PARD3B: variants seen among roughly 807,000 people sequenced by gnomAD.
PARD3B encodes partitioning defective 3 homolog B.
PARD3B carries 103 observed loss-of-function variants against 130.2 expected under a neutral mutation model. The ratio of observed to expected loss-of-function variants is 0.79; its 90% CI spans 0.67 to 0.93. The LOEUF is 0.93. Ranked by LOEUF, PARD3B falls within the 40% of genes least tolerant of loss-of-function variation. The probability of loss-of-function intolerance (pLI) is 0.00; values close to 1 mark genes in which losing one functional copy is unlikely to be tolerated. For synonymous variants in PARD3B, 583 were observed against 553.2 expected (o/e 1.05, Z -0.76); for missense variants, 1,609 against 1,499.2 (o/e 1.07, Z -1.21).
chr2:205,030,720 G>A (rs999243394), intron 3 of PARD3B, among the ~76,000 whole-genome samples: 3 of 152,084 alleles, frequency 2.0e-5, no homozygotes, highest in Admixed American at 6.6e-5. Flanking sequence ...TATGAAATCT[G>A]TATTCTGAAC....
chr2:204,631,596 C>T (rs968292519), intron 1 of PARD3B, among the ~76,000 whole-genome samples: 10 of 152,266 alleles, frequency 6.6e-5, no homozygotes, highest in East Asian at 1.9e-4. Context: ...TTAATTGAGG[C>T]GTTTAGCCCA....
intron 21 of PARD3B, among the ~76,000 whole-genome samples, chr2:205,504,936 C>A (rs1054222533): frequency 6.6e-6 from 1 of 152,138 alleles, no homozygotes; most frequent in African/African-American, 2.4e-5. Flanking sequence ...AAGACACATG[C>A]ACGCGTATGT....
intron 21 of PARD3B, among the ~76,000 whole-genome samples, chr2:205,504,802 C>G (rs1256493706): frequency 6.6e-6 from 1 of 152,152 alleles, no homozygotes; most frequent in African/African-American, 2.4e-5. Context: ...GGACTGTAAA[C>G]CAGTTCAAGC....
chr2:205,230,042 G>T lies in PARD3B; in HGVS notation c.2141-15736G>T, dbSNP rs1266210125. ...GGCCTGGGACTCTCTCTTCAGGGCAGTGGGCTCTCCTCTGGCCCAGGGCAG... is the reference window on the plus strand; with the variant it reads ...GGCCTGGGACTCTCTCTTCAGGGCATTGGGCTCTCCTCTGGCCCAGGGCAG... On this transcript the variant is annotated intron_variant, in intron 15 of 22. Coordinates refer to ENST00000406610, the MANE Select transcript of PARD3B (RefSeq NM_001302769.2). This position sits in a 1 kb window ranked among gnomAD's most constrained non-coding sequence, Gnocchi z 4.1. Among the ~76,000 whole-genome samples the T allele has an allele frequency of 6.6e-6, 1 of 151,966 alleles. No individual in the cohort carries two copies. The highest frequency in any genetic ancestry group is 1.5e-5 in the Non-Finnish European group (1 of 68,024).
At chr2:204,998,021 CTTA>C (rs1203592871) in intron 3 of PARD3B, among the ~76,000 whole-genome samples, 1 of 149,380 alleles carries the variant, frequency 6.7e-6, no homozygotes, top group Non-Finnish European at 1.5e-5. Context: ...TGAGTCAGCT[CTTA>C]TTTTCTTATT....
At chr2:205,457,705 C>CT (rs1268904881) in intron 20 of PARD3B, among the ~76,000 whole-genome samples, 1 of 151,544 alleles carries the variant, frequency 6.6e-6, no homozygotes, top group Non-Finnish European at 1.5e-5. Flanking sequence ...TTTTTTTCTT[C>CT]TTTTAATATA....
intron 1 of PARD3B, among the ~76,000 whole-genome samples, chr2:204,569,834 T>A (rs192458719): frequency 6.6e-6 from 1 of 152,198 alleles, no homozygotes; most frequent in Non-Finnish European, 1.5e-5. Flanking sequence ...TGATGCTTAA[T>A]GTGGGGATGC....
intron 1 of PARD3B, among the ~76,000 whole-genome samples, chr2:204,681,599 C>G (rs973638220): frequency 1.3e-5 from 2 of 152,142 alleles, no homozygotes; most frequent in African/African-American, 4.8e-5. Flanking sequence ...TGATTCTTTC[C>G]TTTCACGTGT....
At chr2:205,059,821 G>C (rs560812462) in intron 4 of PARD3B, among the ~76,000 whole-genome samples, 2 of 152,118 alleles carry the variant, frequency 1.3e-5, no homozygotes, top group Non-Finnish European at 2.9e-5. Context: ...TTCTGCTAGC[G>C]AGTAGCCACG....
intron 3 of PARD3B, among the ~76,000 whole-genome samples, chr2:204,995,593 C>T (rs1448772132): frequency 5.9e-5 from 5 of 84,104 alleles, no homozygotes; most frequent in East Asian, 3.3e-4. Context: ...ATCTTTGTGG[C>T]GTTCTCTGTA....
At chr2:204,919,283 G>A (rs965811859) in intron 2 of PARD3B, among the ~76,000 whole-genome samples, 3 of 152,084 alleles carry the variant, frequency 2.0e-5, no homozygotes, top group Non-Finnish European at 2.9e-5. Context: ...ATGATGAAAT[G>A]CACAAATCTC....
intron 2 of PARD3B, among the ~76,000 whole-genome samples, chr2:204,715,018 A>G (rs1396108665): frequency 6.6e-6 from 1 of 152,204 alleles, no homozygotes; most frequent in African/African-American, 2.4e-5. Flanking sequence ...ACTCACAAAG[A>G]TAGCTTTTGA....
rs558944011 is a variant in PARD3B, at chr2:204,929,657, T to C, written c.223-35495T>C. 1.7e-4 allele frequency among the ~76,000 whole-genome samples: 26 copies of C among 152,056 alleles called. No individual in the cohort carries two copies. The South Asian group carries it at 5.4e-3, about 32-fold the overall frequency. On this transcript the variant is annotated intron_variant, in intron 2 of 22. Transcript: ENST00000406610. ...TTTGGTTTTATAGATTGTCAGGTGA[T>C]CAACCAAGTGAGAAGCTTTTATAAA...
At chr2:205,607,278 C>A (rs2055036626) in intron 22 of PARD3B, among the ~76,000 whole-genome samples, 1 of 151,908 alleles carries the variant, frequency 6.6e-6, no homozygotes, top group Non-Finnish European at 1.5e-5. Flanking sequence ...TGCATTAGAT[C>A]CTGTTTTTTA....
At chr2:205,217,750 GTATA>G (rs2037993854) in intron 15 of PARD3B, among the ~76,000 whole-genome samples, 1 of 148,686 alleles carries the variant, frequency 6.7e-6, no homozygotes, top group Non-Finnish European at 1.5e-5. Flanking sequence ...ATGTATGTGT[GTATA>G]TATGTGTGTA....
intron 3 of PARD3B, 129 bp downstream of exon 3, chr2:204,965,452 A>T: frequency 9.4e-7 from 1 of 1,058,492 alleles, no homozygotes; most frequent in Non-Finnish European, 1.3e-6. Context: ...TTTTCTTTAA[A>T]TTATTTTTTT....
In PARD3B at chr2:205,603,808, A is replaced by C. The variant is rs138223407; in HGVS notation, c.3261-11648A>C. ...GGGTCTTGACTCTATGCTGCTTGCC[A>C]TTCTGTGTCTTTTAATTGGGGCATT... On this transcript the variant is annotated intron_variant, in intron 22 of 22. Coordinates refer to ENST00000406610, the MANE Select transcript of PARD3B (RefSeq NM_001302769.2). Among the ~76,000 whole-genome samples the C allele has an allele frequency of 9.9e-5, 15 of 152,202 alleles. No homozygotes were observed. In the East Asian group the frequency reaches 2.9e-3, roughly 29 times the overall value.
intron 2 of PARD3B, among the ~76,000 whole-genome samples, chr2:204,809,204 A>G (rs759313098): frequency 2.2e-4 from 33 of 151,734 alleles, no homozygotes; most frequent in Non-Finnish European, 4.0e-4. Flanking sequence ...AGTTTGAAAA[A>G]ATTTTCTCCC....
chr2:204,892,702 T>G (rs1406823468), intron 2 of PARD3B, among the ~76,000 whole-genome samples: 1 of 152,030 alleles, frequency 6.6e-6, no homozygotes, highest in African/African-American at 2.4e-5. Flanking sequence ...AGATTCTGGG[T>G]GTATTGTGAA....
Sources: allele counts gnomAD v4.1 joint callset (sites outside exome capture counted in the v4.1 genomes callset), GRCh38; gene constraint gnomAD v4.1.1; non-coding constraint Gnocchi (gnomAD v3.1); transcripts MANE v1.5; gene names NCBI Gene and HGNC (gene_info 2026-07-23, HGNC 2026-07-21).